IL10RB: variants seen among roughly 807,000 people sequenced by gnomAD.
IL10RB encodes interleukin 10 receptor subunit beta, also known as interleukin-10 receptor subunit beta.
A neutral mutation model predicts 38.7 loss-of-function variants in IL10RB; 30 were observed. The observed-to-expected ratio is 0.78, with a 90% confidence interval of 0.58 to 1.05. The LOEUF (loss-of-function observed/expected upper bound fraction) is 1.05, where lower values mean the gene tolerates loss of function less well. Among genes scored for constraint, IL10RB ranks in the 50% least tolerant of loss-of-function variants. The pLI is 0.00. For synonymous variants in IL10RB, 142 were observed against 145.9 expected, an observed-to-expected ratio of 0.97 and a Z score of 0.19; for missense variants, 328 against 397.1, an observed-to-expected ratio of 0.83 and a Z score of 1.48.
chr21:33,306,835 G>A (rs1002061414), intron 1 of IL10RB, among the ~76,000 whole-genome samples: 3 of 152,130 alleles, frequency 2.0e-5, no homozygotes, highest in African/African-American at 7.2e-5. Flanking sequence ...CAACAACATT[G>A]TTAGCTGTTT....
Position 33,276,686 on chromosome 21 carries a change from A to T in IL10RB, c.264A>T (p.Arg88Ser), listed in dbSNP as rs751305633. 2 of 1,613,726 alleles carry T rather than the reference A, an allele frequency of 1.2e-6. No homozygotes were observed. The highest frequency in any genetic ancestry group is 3.3e-5 in the Admixed American group (2 of 60,022). ...CCAAGTATGGTGACCACACCTTGAG[A>T]GTCAGGGCTGAATTTGCAGATGAGC... ...SLSKYGDHTL[R>S]VRAEFADEHS... Residue 88 changes from arginine to serine, a missense_variant, in exon 3 of 7, where the codon AGA becomes AGT. By Grantham distance (110) the Arg-to-Ser change is moderately radical. Coordinates refer to ENST00000290200, the MANE Select transcript of IL10RB (RefSeq NM_000628.5).
At chr21:33,301,542 A>G (rs1469233962), downstream of IL10RB, among the ~76,000 whole-genome samples, 2 of 152,224 alleles carry the variant, frequency 1.3e-5, no homozygotes, top group Non-Finnish European at 2.9e-5. Flanking sequence ...AACAGGAAAC[A>G]CAAGCCAGCT....
chr21:33,288,043 T>C, intron 5 of IL10RB, 61 bp from the exon 6 acceptor site: 1 of 1,486,192 alleles, frequency 6.7e-7, no homozygotes. Flanking sequence ...GTTAAAATGC[T>C]CTTGGGATCA....
Position 33,283,255 on chromosome 21 carries a change from T to A in IL10RB, c.646+14T>A. ...CAACCCATGACGGTAAGCCCTGAGA[T>A]GCACCTCCGCTAAGCATCCTAAACA... is the stretch of plus-strand genomic sequence containing the variant. On this transcript the variant is annotated intron_variant, in intron 5 of 6. Transcript: ENST00000290200. 1 of 1,612,872 alleles carries A rather than the reference T, an allele frequency of 6.2e-7. No homozygotes were observed. The highest frequency in any genetic ancestry group is 8.5e-7 in the Non-Finnish European group (1 of 1,179,700).
chr21:33,290,669 G>A (rs1005677170), intron 6 of IL10RB, among the ~76,000 whole-genome samples: 3 of 152,172 alleles, frequency 2.0e-5, no homozygotes, highest in African/African-American at 4.8e-5. Context: ...ACAATGCCTT[G>A]CCCTCACCAG....
chr21:33,284,850 T>C (rs1989344972), intron 5 of IL10RB, among the ~76,000 whole-genome samples: 1 of 152,224 alleles, frequency 6.6e-6, no homozygotes, highest in Admixed American at 6.5e-5. Context: ...TGCAGATTCA[T>C]GAGCTAATTC....
intron 3 of IL10RB, among the ~76,000 whole-genome samples, chr21:33,279,418 AAG>A (rs941642275): frequency 8.6e-5 from 13 of 152,030 alleles, no homozygotes; most frequent in African/African-American, 2.9e-4. Flanking sequence ...GCAGGAATAA[AAG>A]AGGAGAAGAC....
At chr21:33,266,716 C>G (rs1988955747) in intron 1 of IL10RB, among the ~76,000 whole-genome samples, 1 of 152,230 alleles carries the variant, frequency 6.6e-6, no homozygotes, top group African/African-American at 2.4e-5. Context: ...AAAGCCCCAT[C>G]CGCGCCCGGA....
At chr21:33,309,128 C>T (rs1254505403) in exon 2 of IL10RB, 1 of 152,184 alleles carries the variant, frequency 6.6e-6, no homozygotes, top group African/African-American at 2.4e-5. Flanking sequence ...CCACTTCTGG[C>T]TTGCATCCAA....
intron 4 of IL10RB, among the ~76,000 whole-genome samples, chr21:33,282,613 G>A (rs552579698): frequency 5.3e-5 from 8 of 151,964 alleles, no homozygotes; most frequent in South Asian, 4.2e-4. Context: ...ACAAAGTCTC[G>A]CTCTGTCACC....
At position 33,275,152 on chromosome 21, in the gene IL10RB, C is replaced by CTT. The variant is rs71320298; in HGVS notation, c.174-1424_174-1423dup. ...CAACCTCTGCTAACTTCCAACTTTT[C>CTT]TTTTTTTTTTTTTTTTTTTTTGAGA... is the stretch of plus-strand genomic sequence containing the variant. On this transcript the variant is annotated intron_variant, in intron 2 of 6. Transcript: ENST00000290200. Among the ~76,000 whole-genome samples the CTT allele has an allele frequency of 6.5e-3, 663 of 102,244 alleles. 10 individuals carry two copies. The highest frequency in any genetic ancestry group is 0.02 in the Middle Eastern group (3 of 152). 67.1% of individuals were successfully genotyped at this position (102,244 alleles called of 152,430 possible).
chr21:33,289,070 C>G (rs1989433440), intron 6 of IL10RB, among the ~76,000 whole-genome samples: 2 of 152,236 alleles, frequency 1.3e-5, no homozygotes. Flanking sequence ...CATGTGGCCT[C>G]TCGAGCTGGG....
downstream of IL10RB, among the ~76,000 whole-genome samples, chr21:33,301,113 G>C (rs972856075): frequency 2.0e-5 from 3 of 152,020 alleles, no homozygotes; most frequent in Non-Finnish European, 4.4e-5. Flanking sequence ...AGAATGACTG[G>C]GCATGCTGCC....
intron 5 of IL10RB, 100 bp downstream of exon 5, chr21:33,283,341 A>G: frequency 4.1e-6 from 5 of 1,230,894 alleles, no homozygotes; most frequent in Non-Finnish European, 5.9e-6. Context: ...CTCAGTTCAG[A>G]AATCTATCGC....
chr21:33,286,098 TG>T (rs8178513), intron 5 of IL10RB, among the ~76,000 whole-genome samples: 1,843 of 152,006 alleles, frequency 0.012, 38 homozygotes, highest in African/African-American at 0.042. Flanking sequence ...GCCATGGGGT[TG>T]GGGGCGGCAC....
At chr21:33,278,898 A>G (rs1989229361) in intron 3 of IL10RB, among the ~76,000 whole-genome samples, 1 of 152,254 alleles carries the variant, frequency 6.6e-6, no homozygotes, top group Non-Finnish European at 1.5e-5. Flanking sequence ...AATACAGGAC[A>G]TAACTCAAAC....
At chr21:33,268,170 TTGTC>T (rs1989007904) in intron 1 of IL10RB, 1 of 1,406,720 alleles carries the variant, frequency 7.1e-7, no homozygotes, top group South Asian at 1.5e-5. Flanking sequence ...CAAGGCTCCT[TTGTC>T]TGTCCCCATT....
At chr21:33,276,516 C>CT in intron 2 of IL10RB, 80 bp from the exon 3 acceptor site, 1 of 1,144,158 alleles carries the variant, frequency 8.7e-7, no homozygotes, top group South Asian at 1.2e-5. Flanking sequence ...GCCGCCCCCC[C>CT]CTCCAAATTA....
chr21:33,268,482 C>T lies in IL10RB; in HGVS notation c.138C>T (p.Ala46=), dbSNP rs201205372. ...TACAGTGGGAGTCACCTGCTTTTGC[C>T]AAAGGGAACCTGACTTTCACAGCTC... ...NILQWESPAF[A]KGNLTFTAQY... is the part of the protein sequence containing the mutation. Residue 46 remains alanine, a synonymous_variant, in exon 2 of 7, where the codon GCC becomes GCT. Transcript: ENST00000290200. 33 of 1,613,920 alleles carry T rather than the reference C, an allele frequency of 2.0e-5. No individual in the cohort carries two copies. Among genetic ancestry groups the T allele is most frequent in the Admixed American group, 1.3e-4 (8 of 60,028 alleles).
Sources: allele counts gnomAD v4.1 joint callset (sites outside exome capture counted in the v4.1 genomes callset), GRCh38; gene constraint gnomAD v4.1.1; transcripts MANE v1.5; gene names NCBI Gene and HGNC (gene_info 2026-07-23, HGNC 2026-07-21).